ATRN: variants seen among roughly 807,000 people sequenced by gnomAD.
ATRN encodes the protein attractin-2.
Under a neutral mutation model 178.7 loss-of-function variants are expected in ATRN, and 54 were observed. The observed-to-expected ratio is 0.30, with a 90% CI of 0.24 to 0.38. The LOEUF (loss-of-function observed/expected upper bound fraction) is 0.38. Among genes scored for constraint, ATRN ranks in the 10% least tolerant of loss-of-function variants. The pLI is 1.00. For missense variants in ATRN, 1,443 were observed against 1,815.1 expected (o/e 0.79, Z 3.73); for synonymous variants, 636 against 663.0 (o/e 0.96, Z 0.63).
chr20:3,506,548 G>C (rs143463662), intron 1 of ATRN, among the ~76,000 whole-genome samples: 4 of 151,616 alleles, frequency 2.6e-5, no homozygotes, highest in African/African-American at 9.7e-5. Flanking sequence ...AATTTGAACC[G>C]AGGAGGCGGA....
At chr20:3,592,837 G>A (rs1206288686) in intron 19 of ATRN, among the ~76,000 whole-genome samples, 1 of 152,184 alleles carries the variant, frequency 6.6e-6, no homozygotes, top group Non-Finnish European at 1.5e-5. Flanking sequence ...TCAATACTTA[G>A]TAGATGTGGG....
At chr20:3,607,378 A>G (rs2086689765) in intron 24 of ATRN, among the ~76,000 whole-genome samples, 1 of 152,014 alleles carries the variant, frequency 6.6e-6, no homozygotes, top group Admixed American at 6.6e-5. Context: ...ATTAACCTCT[A>G]TCTCCCCAGC....
chr20:3,564,811 A>G (rs2086008712), intron 10 of ATRN, among the ~76,000 whole-genome samples: 1 of 152,132 alleles, frequency 6.6e-6, no homozygotes, highest in African/African-American at 2.4e-5. Context: ...CATGCCTGTA[A>G]TCCCAGCACT....
At chr20:3,589,508 G>A (rs554400736) in intron 18 of ATRN, among the ~76,000 whole-genome samples, 2 of 151,734 alleles carry the variant, frequency 1.3e-5, no homozygotes, top group South Asian at 2.1e-4. Context: ...ACTAAAATTC[G>A]TATTTTTCAT....
intron 1 of ATRN, among the ~76,000 whole-genome samples, chr20:3,480,095 G>A (rs1269416162): frequency 6.6e-6 from 1 of 152,306 alleles, no homozygotes; most frequent in Non-Finnish European, 1.5e-5. Flanking sequence ...GGGTGTAATG[G>A]AAGGAAGGGG....
At chr20:3,641,657 ACTT>A (rs2087070068) in intron 27 of ATRN, among the ~76,000 whole-genome samples, 1 of 151,140 alleles carries the variant, frequency 6.6e-6, no homozygotes, top group Non-Finnish European at 1.5e-5. Context: ...CTGACCGCTA[ACTT>A]CTCAGAAGTC....
rs1352906692 is a variant in ATRN at position 3,638,921 on chromosome 20, G to C, written c.4036G>C (p.Gly1346Arg). 1.2e-6 allele frequency: 2 copies of C among 1,613,236 alleles called. No homozygotes were observed. Among genetic ancestry groups the C allele is most frequent in the Non-Finnish European group, 1.7e-6 (2 of 1,179,438 alleles). ...ETDEEPPDLI[G>R]GSIKTVPKPI... The stretch of plus-strand genomic sequence containing the variant: ...AGATGAGGAGCCTCCTGATCTTATT[G>C]GGGGGAGTATAAAGGTGAGAATGTG... The change falls in exon 27 of 29, where the codon GGG (glycine) becomes CGG (arginine). Residue 1346 changes from glycine to arginine, a missense_variant. This residue lies in a region of ATRN where 289 missense variants were observed against 440.8 expected (regional missense o/e 0.66). Transcript: ENST00000262919. The surrounding 1 kb of genome is among the most constrained non-coding windows in gnomAD (Gnocchi z 4.5).
chr20:3,532,867 A>G (rs62208142), intron 1 of ATRN, among the ~76,000 whole-genome samples: 14 of 151,734 alleles, frequency 9.2e-5, no homozygotes, highest in African/African-American at 3.4e-4. Context: ...GGTTCACGCT[A>G]TTCTCCTGCC....
In ATRN at chr20:3,572,867, A is replaced by G. The variant is rs2086147177; in HGVS notation, c.2008A>G (p.Thr670Ala). The part of the protein sequence containing the change: ...AGPGIRCVWN[T>A]GSSQCISWAL... ...ACCTGGTATTCGGTGTGTGTGGAAC[A>G]CAGGGTCGTCTCAGTGTATCTCGTG... The change falls in exon 12 of 29, where the codon ACA becomes GCA. Residue 670 changes from threonine to alanine, a missense_variant. Thr to Ala is a moderately conservative substitution (Grantham distance 58). Around this residue, in one of 4 missense-constraint regions of ATRN, gnomAD observed 862 missense variants for 972.1 expected, o/e 0.89. Transcript: ENST00000262919. The G allele has an allele frequency of 3.7e-6, 6 of 1,613,844 alleles. No individual in the cohort carries two copies. The highest frequency in any genetic ancestry group is 5.1e-6 in the Non-Finnish European group (6 of 1,179,954).
At chr20:3,588,087 A>G (rs538564820) in intron 18 of ATRN, among the ~76,000 whole-genome samples, 8 of 152,192 alleles carry the variant, frequency 5.3e-5, no homozygotes, top group Admixed American at 6.5e-5. Flanking sequence ...GCTCAAAGCA[A>G]TCCTCCTGCC....
chr20:3,504,662 G>A (rs997907856), intron 1 of ATRN, among the ~76,000 whole-genome samples: 4 of 148,596 alleles, frequency 2.7e-5, no homozygotes, highest in Non-Finnish European at 5.9e-5. Context: ...TCCAGCCTGG[G>A]CAATAAGAGT....
chr20:3,631,029 A>G (rs369542095), intron 25 of ATRN, among the ~76,000 whole-genome samples: 1 of 138,816 alleles, frequency 7.2e-6, no homozygotes, highest in Non-Finnish European at 1.5e-5. Flanking sequence ...TGCAGCCTCA[A>G]ACTCCTGAGC....
chr20:3,585,007 G>A (rs1197840338), intron 18 of ATRN, 127 bp downstream of exon 18: 2 of 890,294 alleles, frequency 2.2e-6, no homozygotes, highest in Non-Finnish European at 3.5e-6. Flanking sequence ...CTAATGGTTG[G>A]TACAAGAAGG....
chr20:3,617,153 A>G (rs969506007), intron 24 of ATRN, among the ~76,000 whole-genome samples: 2 of 152,188 alleles, frequency 1.3e-5, no homozygotes, highest in Non-Finnish European at 2.9e-5. Context: ...GACCAGTGCT[A>G]TGGGCTGGCT....
intron 3 of ATRN, among the ~76,000 whole-genome samples, chr20:3,542,357 AGGT>A (rs1172198313): frequency 1.3e-5 from 2 of 152,202 alleles, no homozygotes; most frequent in Non-Finnish European, 2.9e-5. Flanking sequence ...TGAGCCAAGC[AGGT>A]ATACATCACT....
intron 1 of ATRN, among the ~76,000 whole-genome samples, chr20:3,512,342 G>C (rs1187227976): frequency 6.8e-6 from 1 of 146,362 alleles, no homozygotes. Context: ...CCACCTATGA[G>C]TGAGAACATG....
intron 1 of ATRN, among the ~76,000 whole-genome samples, chr20:3,493,701 T>C (rs968946821): frequency 3.3e-5 from 5 of 152,188 alleles, no homozygotes; most frequent in Admixed American, 1.3e-4. Flanking sequence ...CACCTATTCA[T>C]CTGAGGGGAT....
intron 24 of ATRN, among the ~76,000 whole-genome samples, chr20:3,615,506 G>A (rs926533601): frequency 6.7e-6 from 1 of 149,498 alleles, no homozygotes; most frequent in Admixed American, 6.6e-5. Flanking sequence ...TTGAAACAAA[G>A]AAAGACACAT....
chr20:3,616,629 G>A (rs539309895), intron 24 of ATRN, among the ~76,000 whole-genome samples: 1 of 152,266 alleles, frequency 6.6e-6, no homozygotes, highest in East Asian at 1.9e-4. Context: ...AGAGACTGGA[G>A]ATTGCAGGCT....
Sources: gnomAD v4.1 joint callset for allele counts (sites outside exome capture counted in the v4.1 genomes callset) on GRCh38, gnomAD v4.1.1 for gene constraint, gnomAD v4.1.1 regional missense constraint, Gnocchi (gnomAD v3.1) non-coding constraint, MANE v1.5 for transcripts, NCBI Gene and HGNC (gene_info 2026-07-23, HGNC 2026-07-21) for gene names.